SRPK1: variants seen among roughly 807,000 people sequenced by gnomAD.
The protein encoded by SRPK1 is SFRS protein kinase 1.
Under a neutral mutation model 89.5 loss-of-function variants are expected in SRPK1, and 52 were observed. The ratio of observed to expected loss-of-function variants is 0.58; its 90% CI spans 0.46 to 0.73. The LOEUF (loss-of-function observed/expected upper bound fraction) is 0.73. Among genes scored for constraint, SRPK1 ranks in the 30% least tolerant of loss-of-function variants. The probability of loss-of-function intolerance (pLI) is 0.00; values close to 1 mark genes in which losing one functional copy is unlikely to be tolerated. For synonymous variants in SRPK1, 255 were observed against 270.2 expected (o/e 0.94, Z 0.55); for missense variants, 603 against 780.6 (o/e 0.77, Z 2.71).
chr6:35,876,081 AAATT>A lies in SRPK1; in HGVS notation c.479-1746_479-1743del, dbSNP rs1267787630. Among the ~76,000 whole-genome samples, 7 of 100,744 alleles carry A rather than the reference AAATT, an allele frequency of 6.9e-5. No homozygotes were observed. The East Asian group carries it at 1.3e-3, about 19-fold the overall frequency. The allele number at this position is 100,744 out of a possible 152,430, so 66.1% of individuals were successfully genotyped here. A position where few individuals can be genotyped will look rare whatever the true frequency, so the allele number is the denominator to read the frequency against. On this transcript the variant is annotated intron_variant, in intron 6 of 15. Transcript: ENST00000373825. ...CATAAAACAACTAGCCTGGATTCTT[AAATT>A]AAAAAAAAAAAAAAAAAAAAAAGGC...
chr6:35,896,659 T>C (rs985591875), intron 2 of SRPK1, among the ~76,000 whole-genome samples: 5 of 152,232 alleles, frequency 3.3e-5, no homozygotes, highest in Non-Finnish European at 1.5e-5. Context: ...TGCATAGTTG[T>C]ATGATTTTGT....
chr6:35,853,303 AAAG>A (rs1249315830), intron 13 of SRPK1, among the ~76,000 whole-genome samples: 1 of 152,128 alleles, frequency 6.6e-6, no homozygotes, highest in African/African-American at 2.4e-5. Flanking sequence ...ACAACAAAAA[AAAG>A]AAGTTAAAAA....
At chr6:35,877,418 A>G (rs996572202) in intron 6 of SRPK1, among the ~76,000 whole-genome samples, 2 of 152,256 alleles carry the variant, frequency 1.3e-5, no homozygotes, top group Non-Finnish European at 2.9e-5. Flanking sequence ...CAAAATTAAA[A>G]TAATCGATCA....
chr6:35,870,533 CTAAT>C, intron 9 of SRPK1, 39 bp from the exon 10 acceptor site: 1 of 1,510,362 alleles, frequency 6.6e-7, no homozygotes, highest in East Asian at 2.5e-5. Flanking sequence ...CTTCAGGTGG[CTAAT>C]TAATTACCCC....
chr6:35,920,881 C>G, intron 1 of SRPK1, 163 bp downstream of exon 1: 3 of 695,024 alleles, frequency 4.3e-6, no homozygotes, highest in Non-Finnish European at 6.6e-6. Context: ...GGGGCGCGGA[C>G]CCGCAGCCCA....
At chr6:35,867,965 G>GT (rs988674745) in intron 12 of SRPK1, among the ~76,000 whole-genome samples, 8 of 152,070 alleles carry the variant, frequency 5.3e-5, no homozygotes, top group African/African-American at 1.9e-4. Context: ...AATAACTGAT[G>GT]TATCTTTTCT....
At chr6:35,854,030 A>T (rs1769615513) in intron 13 of SRPK1, among the ~76,000 whole-genome samples, 1 of 151,780 alleles carries the variant, frequency 6.6e-6, no homozygotes, top group Non-Finnish European at 1.5e-5. Flanking sequence ...AGCTCACTGC[A>T]GCCTCTGCCT....
At chr6:35,844,418 G>T (rs1356944309) in intron 13 of SRPK1, among the ~76,000 whole-genome samples, 1 of 152,088 alleles carries the variant, frequency 6.6e-6, no homozygotes, top group South Asian at 2.1e-4. Flanking sequence ...ACAACCTCAA[G>T]AACTGTAGAG....
intron 6 of SRPK1, among the ~76,000 whole-genome samples, chr6:35,874,568 ATAT>A (rs1770113190): frequency 1.3e-5 from 2 of 152,226 alleles, no homozygotes; most frequent in African/African-American, 4.8e-5. Flanking sequence ...GGCTTCATCA[ATAT>A]TATTATGTAC....
At chr6:35,844,442 T>TG (rs1387123707) in intron 13 of SRPK1, among the ~76,000 whole-genome samples, 1 of 151,902 alleles carries the variant, frequency 6.6e-6, no homozygotes, top group Non-Finnish European at 1.5e-5. Context: ...AGGACTTAGT[T>TG]GGGGCATATT....
At chr6:35,886,159 C>T (rs1018826694) in intron 6 of SRPK1, among the ~76,000 whole-genome samples, 6 of 151,140 alleles carry the variant, frequency 4.0e-5, no homozygotes, top group South Asian at 4.2e-4. Context: ...CGGCTCACTG[C>T]AACCTCTGCC....
intron 6 of SRPK1, among the ~76,000 whole-genome samples, chr6:35,880,580 C>T (rs1177724683): frequency 2.7e-5 from 4 of 150,550 alleles, no homozygotes; most frequent in Admixed American, 6.6e-5. Flanking sequence ...AAATTAGCTG[C>T]GTGTGGTGGT....
intron 6 of SRPK1, among the ~76,000 whole-genome samples, chr6:35,879,482 G>A (rs1437446259): frequency 1.3e-5 from 2 of 151,740 alleles, no homozygotes; most frequent in Admixed American, 6.6e-5. Flanking sequence ...GGACATCAAG[G>A]CTGCAGTTTA....
Position 35,833,442 on chromosome 6 carries a change from T to C in SRPK1, c.*1862A>G, listed in dbSNP as rs894804742. On this transcript the variant is annotated 3_prime_UTR_variant, in exon 16 of 16. Transcript: ENST00000373825. ...TGTAATTCCACAATTGTGATTTTAC[T>C]ATGTAGAAGATAATTCAGTTCTAGT... 2.0e-5 allele frequency: 3 copies of C among 152,508 alleles called. No individual in the cohort carries two copies. The highest frequency in any genetic ancestry group is 4.4e-5 in the Non-Finnish European group (3 of 68,044). The allele number at this position is 152,508 out of a possible 1,614,324, so 9.4% of individuals were successfully genotyped here.
chr6:35,886,827 GAC>G lies in SRPK1; in HGVS notation c.391-18_391-17del. The G allele has an allele frequency of 6.7e-7, 1 of 1,502,610 alleles. No homozygotes were observed. Among genetic ancestry groups the G allele is most frequent in the Non-Finnish European group, 9.3e-7 (1 of 1,079,514 alleles). The allele number at this position is 1,502,610 out of a possible 1,614,324, so 93.1% of individuals were successfully genotyped here. ...AATTGCGAACCTGTAGTGGGGAAGA[GAC>G]AGTGTTTAGCACAAGGTAAAGCATG... On this transcript the variant is annotated splice_polypyrimidine_tract_variant and intron_variant, in intron 5 of 15. Transcript: ENST00000373825.
chr6:35,906,111 A>C (rs1331497158), intron 2 of SRPK1, among the ~76,000 whole-genome samples: 4 of 152,234 alleles, frequency 2.6e-5, no homozygotes, highest in Non-Finnish European at 4.4e-5. Context: ...AAAAGCAATC[A>C]AAGACATCTC....
Position 35,920,533 on chromosome 6 carries a change from A to T in SRPK1, c.14-5T>A. ...TTCGGGCCTGGAGCGCAAGCACTGC[A>T]GGAGAGAGGGATGGATGAAGGGCGA... On this transcript the variant is annotated splice_region_variant and splice_polypyrimidine_tract_variant and intron_variant, in intron 1 of 15. Transcript: ENST00000373825. The T allele has an allele frequency of 6.2e-7, 1 of 1,612,780 alleles. No individual in the cohort carries two copies. The highest frequency in any genetic ancestry group is 8.5e-7 in the Non-Finnish European group (1 of 1,179,202).
At chr6:35,872,530 T>C in intron 8 of SRPK1, 33 bp downstream of exon 8, 1 of 1,542,760 alleles carries the variant, frequency 6.5e-7, no homozygotes, top group East Asian at 2.4e-5. Flanking sequence ...TTTTAACTTC[T>C]AATGATAGCG....
intron 6 of SRPK1, among the ~76,000 whole-genome samples, chr6:35,878,901 G>C (rs1355776098): frequency 6.6e-6 from 1 of 152,108 alleles, no homozygotes; most frequent in Non-Finnish European, 1.5e-5. Context: ...GACCAGCCTG[G>C]CAAACATGGT....
Sources: gnomAD v4.1 joint callset for allele counts (sites outside exome capture counted in the v4.1 genomes callset) on GRCh38, gnomAD v4.1.1 for gene constraint, MANE v1.5 for transcripts, NCBI Gene and HGNC (gene_info 2026-07-23, HGNC 2026-07-21) for gene names.